MAPK1IP1L: variants seen among roughly 807,000 people sequenced by gnomAD.
The protein encoded by MAPK1IP1L is mitogen-activated protein kinase 1 interacting protein 1 like.
MAPK1IP1L carries 10 observed loss-of-function variants against 18.1 expected under a neutral mutation model. The observed-to-expected ratio is 0.55, with a 90% CI of 0.34 to 0.94. The LOEUF (loss-of-function observed/expected upper bound fraction) is 0.94, where lower values mean the gene tolerates loss of function less well. MAPK1IP1L is among the 40% of genes least tolerant of loss of function. MAPK1IP1L has a pLI of 0.02. For missense variants in MAPK1IP1L, 260 were observed against 318.2 expected, an observed-to-expected ratio of 0.82 and a Z score of 1.39; for synonymous variants, 115 against 117.3, an observed-to-expected ratio of 0.98 and a Z score of 0.13.
chr14:55,059,357 C>T (rs1426977750), intron 1 of MAPK1IP1L, among the ~76,000 whole-genome samples: 1 of 151,820 alleles, frequency 6.6e-6, no homozygotes. Context: ...GTCAGCTGGG[C>T]ACAGTATCTC....
chr14:55,063,471 C>T, intron 3 of MAPK1IP1L, 146 bp downstream of exon 3: 1 of 689,810 alleles, frequency 1.4e-6, no homozygotes, highest in East Asian at 2.8e-5. Flanking sequence ...AATTTCAAAC[C>T]TTCAGGTAAA....
At position 55,064,810 on chromosome 14, in the gene MAPK1IP1L, T is replaced by C; in HGVS notation, c.*183T>C. The C allele has an allele frequency of 2.0e-6, 1 of 503,246 alleles. No individual in the cohort carries two copies. Among genetic ancestry groups the C allele is most frequent in the South Asian group, 4.1e-5 (1 of 24,638 alleles). 31.2% of individuals were successfully genotyped at this position (503,246 alleles called of 1,614,324 possible). ...TGCGTAGTACATCATATGTATACAATCAGATAAAAGCATAGAAGTAAATCA... is the reference window on the plus strand; with the variant it reads ...TGCGTAGTACATCATATGTATACAACCAGATAAAAGCATAGAAGTAAATCA... On this transcript the variant is annotated 3_prime_UTR_variant, in exon 4 of 4. Transcript: ENST00000395468.
rs139003851 is a variant in MAPK1IP1L, at chr14:55,064,233, A to G, written c.727-383A>G. ...GGTCTTGAACTCCTGACCTCAAGTG[A>G]TCCGCCTGCTTCAGCCTCCCAAAGT... is the stretch of plus-strand genomic sequence containing the variant. On this transcript the variant is annotated intron_variant, in intron 3 of 3. Transcript: ENST00000395468. Among the ~76,000 whole-genome samples the G allele has an allele frequency of 4.4e-4, 66 of 151,200 alleles. No individual in the cohort carries two copies. In the East Asian group the frequency reaches 0.012, roughly 28 times the overall value.
In MAPK1IP1L at chr14:55,062,760, C is replaced by G. The variant is rs2042827712; in HGVS notation, c.161C>G (p.Pro54Arg). Residue 54 changes from proline (P) to arginine (R), a missense_variant, in exon 3 of 4, where the codon CCA becomes CGA. Physicochemically the swap from Pro to Arg is moderately radical, Grantham distance 103. Coordinates refer to ENST00000395468, the MANE Select transcript of MAPK1IP1L (RefSeq NM_144578.4). ...CCATCTTCAGTGCCATCTGGACTCC[C>G]ACCAAGTGCAACACCCTCCACTGTG... Reference protein sequence around the residue: ...SAPSSVPSGLPPSATPSTVPF... With the variant: ...SAPSSVPSGLRPSATPSTVPF... 1 of 1,614,210 alleles carries G rather than the reference C, an allele frequency of 6.2e-7. No individual in the cohort carries two copies.
chr14:55,059,679 TTC>T (rs1440537875), intron 1 of MAPK1IP1L, among the ~76,000 whole-genome samples: 1 of 152,244 alleles, frequency 6.6e-6, no homozygotes, highest in African/African-American at 2.4e-5. Context: ...TTTGAACTGC[TTC>T]TCTCCTTGTC....
chr14:55,057,980 A>G (rs1382465965), intron 1 of MAPK1IP1L, among the ~76,000 whole-genome samples: 2 of 152,160 alleles, frequency 1.3e-5, no homozygotes, highest in African/African-American at 4.8e-5. Flanking sequence ...TTTAAGAAAG[A>G]TTAATAAAAA....
At chr14:55,052,613 A>G (rs183227714) in intron 1 of MAPK1IP1L, among the ~76,000 whole-genome samples, 225 of 152,342 alleles carry the variant, frequency 1.5e-3, no homozygotes, top group Non-Finnish European at 2.5e-3. Context: ...TAGTTTTACT[A>G]CTAGAGAAAT....
rs891929422 is a variant in MAPK1IP1L, at chr14:55,068,082, A to G, written c.*3455A>G. 3.3e-5 allele frequency: 5 copies of G among 152,186 alleles called. No homozygotes were observed. The highest frequency in any genetic ancestry group is 1.2e-4 in the African/African-American group (5 of 41,450). 9.4% of individuals were successfully genotyped at this position (152,186 alleles called of 1,614,324 possible). ...ATCTTTTCATGCTTTTGAAGACACC[A>G]TTTACAGCTCTGACTCAGCCCTATT... is the stretch of plus-strand genomic sequence containing the variant. On this transcript the variant is annotated 3_prime_UTR_variant, in exon 4 of 4. Coordinates refer to ENST00000395468, the MANE Select transcript of MAPK1IP1L (RefSeq NM_144578.4).
Position 55,063,055 on chromosome 14 carries a change from T to C in MAPK1IP1L, c.456T>C (p.Pro152=), listed in dbSNP as rs776644451. The C allele has an allele frequency of 1.9e-6, 3 of 1,613,880 alleles. No individual in the cohort carries two copies. Among genetic ancestry groups the C allele is most frequent in the Middle Eastern group, 1.7e-4 (1 of 5,870 alleles). Residue 152 remains proline, a synonymous_variant, in exon 3 of 4, where the codon CCT becomes CCC. Coordinates refer to ENST00000395468, the MANE Select transcript of MAPK1IP1L (RefSeq NM_144578.4). ...CATGGGGATCCATGTCTTCTGGACCTTGGGCGCCAGGAATGGGAGGGCAGT... is the reference window on the plus strand; with the variant it reads ...CATGGGGATCCATGTCTTCTGGACCCTGGGCGCCAGGAATGGGAGGGCAGT... ...LGPWGSMSSG[P]WAPGMGGQYP... is the part of the protein sequence containing the mutation.
intron 3 of MAPK1IP1L, among the ~76,000 whole-genome samples, chr14:55,064,299 A>G (rs2042845177): frequency 6.6e-6 from 1 of 151,934 alleles, no homozygotes; most frequent in Non-Finnish European, 1.5e-5. Flanking sequence ...CAGCCAGGAA[A>G]AAAAAAAAAT....
Position 55,063,206 on chromosome 14 carries a change from G to T in MAPK1IP1L, c.607G>T (p.Ala203Ser), listed in dbSNP as rs753304928. 3 of 1,613,980 alleles carry T rather than the reference G, an allele frequency of 1.9e-6. No homozygotes were observed. The highest frequency in any genetic ancestry group is 4.5e-5 in the East Asian group (2 of 44,882). Reference protein sequence around the residue: ...TVPPGAWGPPAPYPAPTGSYP... With the variant: ...TVPPGAWGPPSPYPAPTGSYP... ...TCCACCAGGAGCCTGGGGACCACCAGCACCATATCCTGCCCCTACAGGATC... is the reference window on the plus strand; with the variant it reads ...TCCACCAGGAGCCTGGGGACCACCATCACCATATCCTGCCCCTACAGGATC... The change falls in exon 3 of 4, where the codon GCA becomes TCA. Residue 203 changes from alanine to serine, a missense_variant. Coordinates refer to ENST00000395468, the MANE Select transcript of MAPK1IP1L (RefSeq NM_144578.4).
intron 1 of MAPK1IP1L, among the ~76,000 whole-genome samples, chr14:55,057,838 GT>G (rs2042783833): frequency 6.6e-6 from 1 of 152,050 alleles, no homozygotes; most frequent in South Asian, 2.1e-4. Context: ...AAAGGCTAAG[GT>G]GGGAGGATCC....
chr14:55,065,318 A>G lies in MAPK1IP1L; in HGVS notation c.*691A>G, dbSNP rs548286913. Reference sequence around the variant, plus strand: ...ACTTTTTTGTTTTTAATCCAGGCCAACATGTATGTAAATTAAATTTTTAGA... The same window carrying G: ...ACTTTTTTGTTTTTAATCCAGGCCAGCATGTATGTAAATTAAATTTTTAGA... On this transcript the variant is annotated 3_prime_UTR_variant, in exon 4 of 4. Transcript: ENST00000395468. 1 of 152,330 alleles carries G rather than the reference A, an allele frequency of 6.6e-6. No individual in the cohort carries two copies. The highest frequency in any genetic ancestry group is 1.5e-5 in the Non-Finnish European group (1 of 68,038). The allele number at this position is 152,330 out of a possible 1,614,324, so 9.4% of individuals were successfully genotyped here. A position where few individuals can be genotyped will look rare whatever the true frequency, so the allele number is the denominator to read the frequency against.
chr14:55,058,432 A>G (rs538466897), intron 1 of MAPK1IP1L, among the ~76,000 whole-genome samples: 23 of 152,390 alleles, frequency 1.5e-4, no homozygotes, highest in African/African-American at 5.3e-4. Flanking sequence ...AAAGTTTAAC[A>G]GAAATCCCTT....
At chr14:55,061,033 C>A (rs2042813896) in intron 1 of MAPK1IP1L, among the ~76,000 whole-genome samples, 2 of 151,886 alleles carry the variant, frequency 1.3e-5, no homozygotes, top group African/African-American at 4.8e-5. Context: ...ACCTGTAGTA[C>A]CGGCTATTAG....
chr14:55,055,648 A>G (rs887510601), intron 1 of MAPK1IP1L, among the ~76,000 whole-genome samples: 2 of 152,128 alleles, frequency 1.3e-5, no homozygotes, highest in Admixed American at 6.5e-5. Flanking sequence ...AAACTTAGGA[A>G]TTGGCCAGGT....
chr14:55,059,225 G>GAAAAAAAAAAAAAAAAAAAAAAAATAA (rs3078612), intron 1 of MAPK1IP1L, among the ~76,000 whole-genome samples: 1 of 63,280 alleles, frequency 1.6e-5, no homozygotes, highest in Non-Finnish European at 3.1e-5. Context: ...AGGAAAATCT[G>GAAAAAAAAAAAAAAAAAAAAAAAATAA]AAAAAAAAAA....
rs1363345397 is a variant in MAPK1IP1L, at chr14:55,051,775, G to C, written c.-33G>C. 2 of 509,682 alleles carry C rather than the reference G, an allele frequency of 3.9e-6. No homozygotes were observed. The highest frequency in any genetic ancestry group is 7.8e-6 in the Non-Finnish European group (2 of 256,588). 31.6% of individuals were successfully genotyped at this position (509,682 alleles called of 1,614,324 possible). A position where few individuals can be genotyped will look rare whatever the true frequency, so the allele number is the denominator to read the frequency against. On this transcript the variant is annotated 5_prime_UTR_variant, in exon 1 of 4. Transcript: ENST00000395468. The stretch of plus-strand genomic sequence containing the variant: ...TCCCTCGGACCCATCGCCGCTTCTA[G>C]ACCCTACTGCGGTCTCGGATATTGC...
chr14:55,066,140 C>T lies in MAPK1IP1L; in HGVS notation c.*1513C>T, dbSNP rs2042860554. 1 of 152,152 alleles carries T rather than the reference C, an allele frequency of 6.6e-6. No homozygotes were observed. The highest frequency in any genetic ancestry group is 2.1e-4 in the South Asian group (1 of 4,830). The allele number at this position is 152,152 out of a possible 1,614,324, so 9.4% of individuals were successfully genotyped here. A position where few individuals can be genotyped will look rare whatever the true frequency, so the allele number is the denominator to read the frequency against. The stretch of plus-strand genomic sequence containing the variant: ...ATTTCTCAGACAAACAGGATTTATG[C>T]TGGAGCTCTGTTTTGCTTAGAAATA... On this transcript the variant is annotated 3_prime_UTR_variant, in exon 4 of 4. Transcript: ENST00000395468.
Sources: gnomAD v4.1 joint callset for allele counts (sites outside exome capture counted in the v4.1 genomes callset) on GRCh38, gnomAD v4.1.1 for gene constraint, MANE v1.5 for transcripts, NCBI Gene and HGNC (gene_info 2026-07-23, HGNC 2026-07-21) for gene names.